Variants in ELMO3 observed in about 807,000 individuals in gnomAD.
ELMO3 encodes the protein engulfment and cell motility 3.
Under a neutral mutation model 89.0 loss-of-function variants are expected in ELMO3, and 81 were observed. The ratio of observed to expected loss-of-function variants is 0.91; its 90% CI spans 0.76 to 1.09. The LOEUF is 1.09. Ranked by LOEUF, ELMO3 falls within the 50% of genes least tolerant of loss-of-function variation. ELMO3 has a pLI of 0.00. For synonymous variants in ELMO3, 406 were observed against 400.6 expected (o/e 1.01, Z -0.16); for missense variants, 959 against 972.8 (o/e 0.99, Z 0.19).
rs770093436 is a variant in ELMO3, at chr16:67,202,977, C to T, written c.1648C>T (p.Arg550Cys). The T allele has an allele frequency of 1.1e-5, 17 of 1,607,412 alleles. No homozygotes were observed. Among genetic ancestry groups the T allele is most frequent in the Admixed American group, 3.3e-5 (2 of 59,992 alleles). Residue 550 changes from arginine (R) to cysteine (C), a missense_variant, in exon 16 of 20, where the codon CGC becomes TGC. Transcript: ENST00000393997. The part of the protein sequence containing the change: ...LLRLCEGTLF[R>C]KISSRRRQDK... ...CCGCCTCTGTGAGGGGACGCTCTTC[C>T]GCAAGATCAGCAGCCGGCGGCGCCA... is the stretch of plus-strand genomic sequence containing the variant.
At position 67,203,090 on chromosome 16, in the gene ELMO3, C is replaced by G. The variant is rs372707030; in HGVS notation, c.1676-29C>G. 12 of 1,594,870 alleles carry G rather than the reference C, an allele frequency of 7.5e-6. No homozygotes were observed. Among genetic ancestry groups the G allele is most frequent in the Non-Finnish European group, 1.0e-5 (12 of 1,171,668 alleles). On this transcript the variant is annotated intron_variant, in intron 16 of 19. Coordinates refer to ENST00000393997, the MANE Select transcript of ELMO3 (RefSeq NM_024712.5). The surrounding 1 kb of genome is among the most constrained non-coding windows in gnomAD (Gnocchi z 4.6). Reference sequence around the variant, plus strand: ...GGCTTGGTGTCAGGACCTCTCAGCACTCTGGCCCTCTTCCCTTTCTCCACG... The same window carrying G: ...GGCTTGGTGTCAGGACCTCTCAGCAGTCTGGCCCTCTTCCCTTTCTCCACG...
chr16:67,199,411 C>G lies in ELMO3; in HGVS notation c.78+7C>G. The G allele has an allele frequency of 1.2e-6, 2 of 1,603,642 alleles. No individual in the cohort carries two copies. The highest frequency in any genetic ancestry group is 1.7e-4 in the Middle Eastern group (1 of 5,882). Reference sequence around the variant, plus strand: ...GCTCATCCAGCTGGACCAGGTCACCCGGCTGGTCCCGCCTCCATCTGCCCC... The same window carrying G: ...GCTCATCCAGCTGGACCAGGTCACCGGGCTGGTCCCGCCTCCATCTGCCCC... On this transcript the variant is annotated splice_region_variant and intron_variant, in intron 1 of 19. Coordinates refer to ENST00000393997, the MANE Select transcript of ELMO3 (RefSeq NM_024712.5).
At chr16:67,201,002 A>G (rs1320023243) in intron 8 of ELMO3, 34 bp downstream of exon 8, 4 of 1,565,300 alleles carry the variant, frequency 2.6e-6, no homozygotes, top group African/African-American at 1.4e-5. Flanking sequence ...TGGGGGCAGC[A>G]CCCGGTGGGC....
intron 4 of ELMO3, 53 bp downstream of exon 4, chr16:67,200,054 C>T (rs2033062421): frequency 6.3e-7 from 1 of 1,598,308 alleles, no homozygotes. Flanking sequence ...GCTCCAGGTC[C>T]AGAGGCCCCC....
chr16:67,200,118 G>A, intron 4 of ELMO3, 74 bp from the exon 5 acceptor site: 1 of 1,581,802 alleles, frequency 6.3e-7, no homozygotes, highest in Non-Finnish European at 8.6e-7. Context: ...TTGACGCCCG[G>A]GGCCGCACAC....
In ELMO3 at chr16:67,200,567, A is replaced by G; in HGVS notation, c.513+17A>G. 1 of 1,613,174 alleles carries G rather than the reference A, an allele frequency of 6.2e-7. No homozygotes were observed. The highest frequency in any genetic ancestry group is 8.5e-7 in the Non-Finnish European group (1 of 1,179,768). On this transcript the variant is annotated intron_variant, in intron 6 of 19. Coordinates refer to ENST00000393997, the MANE Select transcript of ELMO3 (RefSeq NM_024712.5). ...GTGAGGAAGGTGGGTGGGCTTTCCTAGGGCAGCGGGTGGGGGCAGTGGAGC... is the reference window on the plus strand; with the variant it reads ...GTGAGGAAGGTGGGTGGGCTTTCCTGGGGCAGCGGGTGGGGGCAGTGGAGC...
Position 67,199,378 on chromosome 16 carries a change from A to T in ELMO3, c.52A>T (p.Ile18Phe). The T allele has an allele frequency of 6.2e-7, 1 of 1,608,226 alleles. No homozygotes were observed. The highest frequency in any genetic ancestry group is 8.5e-7 in the Non-Finnish European group (1 of 1,179,076). ...VKIAIKMRDAIPQLIQLDQAK... is the reference protein window; with the variant it reads ...VKIAIKMRDAFPQLIQLDQAK... ...GATTGCCATCAAGATGCGTGACGCC[A>T]TCCCGCAGCTCATCCAGCTGGACCA... The change falls in exon 1 of 20, where the codon ATC becomes TTC. Residue 18 changes from isoleucine to phenylalanine, a missense_variant. Transcript: ENST00000393997.
In ELMO3 at chr16:67,202,965, G is replaced by A; in HGVS notation, c.1636G>A (p.Gly546Arg). The A allele has an allele frequency of 6.2e-7, 1 of 1,608,312 alleles. No homozygotes were observed. The highest frequency in any genetic ancestry group is 1.7e-5 in the Admixed American group (1 of 60,004). The change falls in exon 16 of 20, where the codon GGG (glycine) becomes AGG (arginine). Residue 546 changes from glycine to arginine, a missense_variant. Physicochemically the swap from Gly to Arg is moderately radical, Grantham distance 125. Transcript: ENST00000393997. ...GCAGCGCTTGCTCCGCCTCTGTGAG[G>A]GGACGCTCTTCCGCAAGATCAGCAG... ...RQQRLLRLCEGTLFRKISSRR... is the reference protein window; with the variant it reads ...RQQRLLRLCERTLFRKISSRR...
rs1355186406 is a variant in ELMO3, at chr16:67,199,392, C to T, written c.66C>T (p.Ile22=). The change falls in exon 1 of 20, where the codon ATC becomes ATT. Residue 22 remains isoleucine, a synonymous_variant. Transcript: ENST00000393997. The stretch of plus-strand genomic sequence containing the variant: ...TGCGTGACGCCATCCCGCAGCTCAT[C>T]CAGCTGGACCAGGTCACCCGGCTGG... The part of the protein sequence containing the change: ...IKMRDAIPQL[I]QLDQAKPLAA... 6.2e-7 allele frequency: 1 copy of T among 1,607,426 alleles called. No homozygotes were observed. The highest frequency in any genetic ancestry group is 8.5e-7 in the Non-Finnish European group (1 of 1,179,734).
At position 67,202,797 on chromosome 16, in the gene ELMO3, C is replaced by T. The variant is rs766587974; in HGVS notation, c.1562+7C>T. 3 of 1,612,696 alleles carry T rather than the reference C, an allele frequency of 1.9e-6. No individual in the cohort carries two copies. Among genetic ancestry groups the T allele is most frequent in the African/African-American group, 2.7e-5 (2 of 74,904 alleles). ...CACTGGCTCCCCCTATACTGTGAGT[C>T]TGGGGGGATGGATCCTCAGTCCTAG... On this transcript the variant is annotated splice_region_variant and intron_variant, in intron 15 of 19. Coordinates refer to ENST00000393997, the MANE Select transcript of ELMO3 (RefSeq NM_024712.5).
At chr16:67,200,053 C>T in intron 4 of ELMO3, 52 bp downstream of exon 4, 3 of 1,597,876 alleles carry the variant, frequency 1.9e-6, no homozygotes, top group East Asian at 2.3e-5. Flanking sequence ...TGCTCCAGGT[C>T]CAGAGGCCCC....
In ELMO3 at chr16:67,201,369, C is replaced by G. The variant is rs753869842; in HGVS notation, c.745-16C>G. On this transcript the variant is annotated splice_polypyrimidine_tract_variant and intron_variant, in intron 8 of 19. Coordinates refer to ENST00000393997, the MANE Select transcript of ELMO3 (RefSeq NM_024712.5). ...ACCGCGCCCAGCCTAAGCCCCCTTT[C>G]TTTCTACCCCCTCAGCACATGCTTG... 1.9e-6 allele frequency: 3 copies of G among 1,613,810 alleles called. No individual in the cohort carries two copies. The highest frequency in any genetic ancestry group is 4.5e-5 in the East Asian group (2 of 44,874).
chr16:67,199,135 C>G lies in ELMO3; in HGVS notation c.-192C>G. On this transcript the variant is annotated 5_prime_UTR_variant, in exon 1 of 20. Transcript: ENST00000393997. ...CCTACCCCCAGACTCCAACCCGGAA[C>G]TAACCTCGGCTCCCTTGGGAAGGCC... 1 of 1,596,458 alleles carries G rather than the reference C, an allele frequency of 6.3e-7. No homozygotes were observed. Among genetic ancestry groups the G allele is most frequent in the Non-Finnish European group, 8.5e-7 (1 of 1,174,194 alleles).
chr16:67,202,862 C>A, intron 15 of ELMO3, 30 bp from the exon 16 acceptor site: 1 of 1,613,018 alleles, frequency 6.2e-7, no homozygotes, highest in South Asian at 1.1e-5. Context: ...CTCCCCAGGT[C>A]AGATGTGCTC....
rs562398220 is a variant in ELMO3 at position 67,203,886 on chromosome 16, C to T, written c.*9C>T. On this transcript the variant is annotated 3_prime_UTR_variant, in exon 20 of 20. Coordinates refer to ENST00000393997, the MANE Select transcript of ELMO3 (RefSeq NM_024712.5). The surrounding 1 kb of genome is among the most constrained non-coding windows in gnomAD (Gnocchi z 4.6). ...GCATCGCTGAACCTTGACAGTGTGG[C>T]TGGCCATGGGCCACAGCTGCGGCCA... is the stretch of plus-strand genomic sequence containing the variant. 5.2e-6 allele frequency: 8 copies of T among 1,547,640 alleles called. No individual in the cohort carries two copies. The South Asian group carries it at 9.8e-5, about 19-fold the overall frequency.
rs1375287137 is a variant in ELMO3 at position 67,203,142 on chromosome 16, T to TC, written c.1704dup (p.Asn569GlnfsTer57). 1 of 1,611,734 alleles carries TC rather than the reference T, an allele frequency of 6.2e-7. No homozygotes were observed. Among genetic ancestry groups the TC allele is most frequent in the African/African-American group, 1.3e-5 (1 of 74,976 alleles). On this transcript the variant is annotated frameshift_variant, in exon 17 of 20. Transcript: ENST00000393997. LOFTEE classifies it high-confidence loss of function. The surrounding 1 kb of genome is among the most constrained non-coding windows in gnomAD (Gnocchi z 4.6). The stretch of plus-strand genomic sequence containing the variant: ...AGATAAGCTGTGGTTCTGCTGCCTG[T>TC]CCCCCAACCACAAGCTGCTGCAGTA...
rs1239462290 is a variant in ELMO3 at position 67,199,178 on chromosome 16, G to A, written c.-149G>A. The A allele has an allele frequency of 6.2e-7, 1 of 1,610,328 alleles. No homozygotes were observed. Among genetic ancestry groups the A allele is most frequent in the Middle Eastern group, 1.7e-4 (1 of 6,032 alleles). On this transcript the variant is annotated 5_prime_UTR_variant, in exon 1 of 20. Coordinates refer to ENST00000393997, the MANE Select transcript of ELMO3 (RefSeq NM_024712.5). ...GGAAGGCCGCGTTGCATGGCCAGGA[G>A]CAGCAGTCTGGGCCGCGAGTGCGGG...
At position 67,199,263 on chromosome 16, in the gene ELMO3, G is replaced by A. The variant is rs761733949; in HGVS notation, c.-64G>A. On this transcript the variant is annotated 5_prime_UTR_variant, in exon 1 of 20. It adds an upstream start codon to the 5' untranslated region. Coordinates refer to ENST00000393997, the MANE Select transcript of ELMO3 (RefSeq NM_024712.5). The stretch of plus-strand genomic sequence containing the variant: ...CTCGTCCCCAGGGGCCCCAGGCCAG[G>A]TGCACCCTTGGCCGCAGGTGCACGG... 1 of 1,612,004 alleles carries A rather than the reference G, an allele frequency of 6.2e-7. No individual in the cohort carries two copies. Among genetic ancestry groups the A allele is most frequent in the Non-Finnish European group, 8.5e-7 (1 of 1,179,680 alleles).
rs1289225690 is a variant in ELMO3 at position 67,201,616 on chromosome 16, C to T, written c.892C>T (p.Arg298Trp). The change falls in exon 10 of 20, where the codon CGG (arginine) becomes TGG (tryptophan). Residue 298 changes from arginine (R) to tryptophan (W), a missense_variant. By Grantham distance (101) the Arg-to-Trp change is moderately radical (BLOSUM62 -3). Transcript: ENST00000393997. ...GCTGGGGCTGCTGGAGCCGCGCATG[C>T]GGACGCCCCTGGACCCCTACAGCCA... ...LMLGLLEPRM[R>W]TPLDPYSQEQ... 5.6e-6 allele frequency: 9 copies of T among 1,613,204 alleles called. No individual in the cohort carries two copies. The highest frequency in any genetic ancestry group is 7.6e-6 in the Non-Finnish European group (9 of 1,180,030).
Sources: allele counts gnomAD v4.1 joint callset, GRCh38; gene constraint gnomAD v4.1.1; non-coding constraint Gnocchi (gnomAD v3.1); transcripts MANE v1.5; gene names NCBI Gene and HGNC (gene_info 2026-07-23, HGNC 2026-07-21).